PUDP: variants seen among roughly 807,000 people sequenced by gnomAD.
The protein encoded by PUDP is pseudouridine-5'-phosphatase.
Under a neutral mutation model 9.4 loss-of-function variants are expected in PUDP, and 8 were observed. The observed-to-expected ratio is 0.85, with a 90% CI of 0.50 to 1.53. The LOEUF (loss-of-function observed/expected upper bound fraction) is 1.53. PUDP is among the 40% of genes most tolerant of loss of function. PUDP has a pLI of 0.00. For synonymous variants in PUDP, 99 were observed against 80.7 expected (o/e 1.23, Z -1.22); for missense variants, 188 against 189.7 (o/e 0.99, Z 0.05).
At position 7,097,494 on chromosome X, in the gene PUDP, T is replaced by G. The variant is rs1345998827; in HGVS notation, c.280+8126A>C. On this transcript the variant is annotated intron_variant, in intron 2 of 3. Transcript: ENST00000381077. The stretch of plus-strand genomic sequence containing the variant: ...GAGCGGCCACTACTCCAAGAATATC[T>G]TGCTTTACTTAATTCTACATCCCTT... Among the ~76,000 whole-genome samples, 16 of 111,825 alleles carry G rather than the reference T, an allele frequency of 1.4e-4. No homozygotes were observed. In the Admixed American group the frequency reaches 1.5e-3, roughly 11 times the overall value.
At chrX:7,002,095 TCTAGAA>T (rs1401608077) in intron 1 of PUDP, among the ~76,000 whole-genome samples, 1 of 110,100 alleles carries the variant, frequency 9.1e-6, no homozygotes, top group East Asian at 2.8e-4. Context: ...ATTTAAAACG[TCTAGAA>T]ATCAATATAA....
intron 3 of PUDP, among the ~76,000 whole-genome samples, chrX:6,831,848 A>T (rs778459530): frequency 1.8e-5 from 2 of 112,050 alleles, no homozygotes; most frequent in African/African-American, 6.5e-5. Flanking sequence ...GAAAAGACCC[A>T]AACAAGCAAG....
At chrX:6,706,827 A>G (rs1016884763) in intron 1 of PUDP, among the ~76,000 whole-genome samples, 16 of 111,487 alleles carry the variant, frequency 1.4e-4, no homozygotes, top group African/African-American at 5.2e-4. Context: ...ACCTTACCAA[A>G]TGACCCTCAT....
chrX:6,990,949 G>A (rs1320492529), intron 1 of PUDP, among the ~76,000 whole-genome samples: 1 of 112,399 alleles, frequency 8.9e-6, no homozygotes, highest in African/African-American at 3.2e-5. Flanking sequence ...GCCTACTGGC[G>A]GGTGTTTTGC....
intron 3 of PUDP, among the ~76,000 whole-genome samples, chrX:7,075,146 G>A (rs1353577016): frequency 3.6e-5 from 4 of 112,062 alleles, no homozygotes; most frequent in African/African-American, 9.7e-5. Flanking sequence ...AACCTAATAA[G>A]ATGCCTCTAG....
chrX:6,944,565 G>T (rs1224847025), intron 3 of PUDP, among the ~76,000 whole-genome samples: 1 of 104,620 alleles, frequency 9.6e-6, no homozygotes, highest in Admixed American at 1.1e-4. Flanking sequence ...CAGGCACCTA[G>T]CTGGCCCTGA....
At chrX:6,797,141 C>T (rs919529863) in intron 3 of PUDP, among the ~76,000 whole-genome samples, 2 of 111,543 alleles carry the variant, frequency 1.8e-5, no homozygotes, top group Admixed American at 9.5e-5. Flanking sequence ...CTGTGATCAC[C>T]GTAGAACATT....
intron 1 of PUDP, among the ~76,000 whole-genome samples, chrX:7,111,953 C>A (rs1240013701): frequency 9.3e-6 from 1 of 107,818 alleles, no homozygotes; most frequent in Non-Finnish European, 1.9e-5. Context: ...AGCTATTGAA[C>A]TTGAGAAACT....
chrX:6,852,787 T>C (rs1873791759), intron 3 of PUDP, among the ~76,000 whole-genome samples: 1 of 111,952 alleles, frequency 8.9e-6, no homozygotes, highest in Non-Finnish European at 1.9e-5. Flanking sequence ...CAGTCTCTCA[T>C]TGTGAGGTAT....
intron 3 of PUDP, among the ~76,000 whole-genome samples, chrX:6,905,364 G>A (rs1337031067): frequency 1.8e-5 from 2 of 111,577 alleles, no homozygotes; most frequent in Non-Finnish European, 3.8e-5. Context: ...ATTATACAAA[G>A]GTGTATTAAT....
intron 1 of PUDP, among the ~76,000 whole-genome samples, chrX:7,021,094 G>A (rs1240367705): frequency 8.9e-6 from 1 of 112,665 alleles, no homozygotes; most frequent in Non-Finnish European, 1.9e-5. Context: ...ACAGAGGAAT[G>A]CTTGATGAAG....
At chrX:6,724,383 C>T (rs966414940), upstream of PUDP, among the ~76,000 whole-genome samples, 19 of 109,144 alleles carry the variant, frequency 1.7e-4, no homozygotes, top group African/African-American at 6.3e-4. Context: ...TGAATTGCTG[C>T]TGTTTGCAAC....
At chrX:6,869,387 C>T (rs1299321313) in intron 3 of PUDP, among the ~76,000 whole-genome samples, 1 of 111,945 alleles carries the variant, frequency 8.9e-6, no homozygotes, top group African/African-American at 3.2e-5. Flanking sequence ...ACTGGAATTA[C>T]CTGGAGATTT....
intron 3 of PUDP, among the ~76,000 whole-genome samples, chrX:7,054,768 G>A (rs1456017963): frequency 2.7e-5 from 3 of 111,737 alleles, no homozygotes; most frequent in Non-Finnish European, 5.6e-5. Flanking sequence ...GACATTTGCC[G>A]GACTCTTACA....
chrX:6,751,737 C>A (rs946460466), intron 3 of PUDP, among the ~76,000 whole-genome samples: 1 of 111,347 alleles, frequency 9.0e-6, no homozygotes, highest in Non-Finnish European at 1.9e-5. Context: ...CCTCAGAAAT[C>A]CTCATATTTG....
At chrX:6,862,643 G>A (rs971960324) in intron 3 of PUDP, among the ~76,000 whole-genome samples, 2 of 111,901 alleles carry the variant, frequency 1.8e-5, no homozygotes, top group African/African-American at 6.5e-5. Context: ...AGACAACCAT[G>A]TAACAGAATT....
rs6639760 is a variant in PUDP at position 7,055,148 on chromosome X, G to T, written c.511-4676C>A. Among the ~76,000 whole-genome samples the T allele has an allele frequency of 4.9e-4, 55 of 111,686 alleles. No individual in the cohort carries two copies. In the East Asian group the frequency reaches 0.013, roughly 26 times the overall value. Reference sequence around the variant, plus strand: ...AGCATCTGGAAGTTTGGGTTTTGTTGGTTTGGTTTTTTTCCCCTAGAAACA... The same window carrying T: ...AGCATCTGGAAGTTTGGGTTTTGTTTGTTTGGTTTTTTTCCCCTAGAAACA... On this transcript the variant is annotated intron_variant, in intron 3 of 3. Coordinates refer to ENST00000381077, the MANE Select transcript of PUDP (RefSeq NM_012080.5).
In PUDP at chrX:7,038,370, G is replaced by A. The variant is rs181580315; in HGVS notation, c.204+38850C>T. Among the ~76,000 whole-genome samples, 7 of 112,303 alleles carry A rather than the reference G, an allele frequency of 6.2e-5. No individual in the cohort carries two copies. In the East Asian group the frequency reaches 1.4e-3, roughly 22 times the overall value. The stretch of plus-strand genomic sequence containing the variant: ...TATGTGACGTAGGCTGGCAATACAC[G>A]AAAGAGGATTCTGATTTGTTGTATA... On this transcript the variant is annotated intron_variant and NMD_transcript_variant, in intron 1 of 3. Coordinates refer to the PUDP transcript ENST00000655425.
intron 3 of PUDP, among the ~76,000 whole-genome samples, chrX:6,969,820 C>T (rs1346554848): frequency 8.9e-6 from 1 of 112,026 alleles, no homozygotes; most frequent in Non-Finnish European, 1.9e-5. Flanking sequence ...AGTTCAAGGC[C>T]GCAGTGAGCT....
Sources: gnomAD v4.1 joint callset for allele counts (sites outside exome capture counted in the v4.1 genomes callset) on GRCh38, gnomAD v4.1.1 for gene constraint, MANE v1.5 for transcripts, NCBI Gene and HGNC (gene_info 2026-07-23, HGNC 2026-07-21) for gene names.